Variants in GFI1 observed in about 807,000 individuals in gnomAD.
The protein encoded by GFI1 is growth factor independent 1 transcriptional repressor, also known as zinc finger protein Gfi-1.
A neutral mutation model predicts 39.2 loss-of-function variants in GFI1; 15 were observed. The observed-to-expected ratio is 0.38, with a 90% CI of 0.26 to 0.59. The LOEUF is 0.59. Among genes scored for constraint, GFI1 ranks in the 20% least tolerant of loss-of-function variants. The pLI is 0.62. For synonymous variants in GFI1, 239 were observed against 254.3 expected, an observed-to-expected ratio of 0.94 and a Z score of 0.57; for missense variants, 475 against 574.0, an observed-to-expected ratio of 0.83 and a Z score of 1.76.
At position 92,473,168 on chromosome 1, in the gene GFI1, A is replaced by AT. The variant is rs1309365863; in HGVS notation, c.*2860dup. On this transcript the variant is annotated 3_prime_UTR_variant, in exon 7 of 7. Transcript: ENST00000294702. ...TTCTGAACTGGGGATATCAAGATACATTTTTTACCAAAAAAAAAAAAAAAA... is the reference window on the plus strand; with the variant it reads ...TTCTGAACTGGGGATATCAAGATACATTTTTTTACCAAAAAAAAAAAAAAAA... Among the ~76,000 whole-genome samples the AT allele has an allele frequency of 1.4e-5, 2 of 140,986 alleles. No homozygotes were observed. The highest frequency in any genetic ancestry group is 3.1e-5 in the Non-Finnish European group (2 of 64,996). The allele number at this position is 140,986 out of a possible 152,430, so 92.5% of individuals were successfully genotyped here.
Position 92,481,027 on chromosome 1 carries a change from T to C in GFI1, c.360A>G (p.Lys120=), listed in dbSNP as rs1658224965. The C allele has an allele frequency of 2.5e-6, 4 of 1,611,712 alleles. No individual in the cohort carries two copies. Among genetic ancestry groups the C allele is most frequent in the Non-Finnish European group, 3.4e-6 (4 of 1,179,148 alleles). Reference sequence around the variant, plus strand: ...CCGCCAGGCCGCTCCATGAGTACGGTTTGAAAGGCAGGGGGAAGGGCTGGG... The same window carrying C: ...CCGCCAGGCCGCTCCATGAGTACGGCTTGAAAGGCAGGGGGAAGGGCTGGG... ...DEAQPFPLPF[K]PYSWSGLAGS... Residue 120 remains lysine (K), a synonymous_variant, in exon 4 of 7, where the codon AAA becomes AAG. Coordinates refer to ENST00000294702, the MANE Select transcript of GFI1 (RefSeq NM_005263.5). This position sits in a 1 kb window ranked among gnomAD's most constrained non-coding sequence, Gnocchi z 4.3.
rs764922701 is a variant in GFI1, at chr1:92,480,651, T to C, written c.736A>G (p.Thr246Ala). ...GAGCCGCCGCCCAGCAGCAGGCGGG[T>C]GCACAGCAGCTCCGACTCCACCTTG... ...GVKVESELLC[T>A]RLLLGGGSYK... is the part of the protein sequence containing the mutation. Residue 246 changes from threonine to alanine, a missense_variant, in exon 4 of 7, where the codon ACC (threonine) becomes GCC (alanine). Physicochemically the swap from Thr to Ala is moderately conservative, Grantham distance 58. Around this residue, in one of 4 missense-constraint regions of GFI1, gnomAD observed 79 missense variants for 68.4 expected, o/e 1.15. Coordinates refer to ENST00000294702, the MANE Select transcript of GFI1 (RefSeq NM_005263.5). This position sits in a 1 kb window ranked among gnomAD's most constrained non-coding sequence, Gnocchi z 5.6. 181 of 1,590,494 alleles carry C rather than the reference T, an allele frequency of 1.1e-4. No homozygotes were observed. The highest frequency in any genetic ancestry group is 1.5e-4 in the Non-Finnish European group (173 of 1,175,250).
Position 92,481,941 on chromosome 1 carries a change from GTGTGTGTGT to G in GFI1, c.299-862_299-854del, listed in dbSNP as rs1240676706. Among the ~76,000 whole-genome samples the G allele has an allele frequency of 4.2e-5, 1 of 23,904 alleles. No homozygotes were observed. Among genetic ancestry groups the G allele is most frequent in the East Asian group, 1.7e-3 (1 of 578 alleles). 15.7% of individuals were successfully genotyped at this position (23,904 alleles called of 152,430 possible). ...GTGCATACGGCATTTACAAATGTGTGTGTGTGTGTGTGCGCACAACACTCCAGTTCAGGC... is the reference window on the plus strand; with the variant it reads ...GTGCATACGGCATTTACAAATGTGTGGTGCGCACAACACTCCAGTTCAGGC... On this transcript the variant is annotated intron_variant, in intron 3 of 6. Transcript: ENST00000294702. This position sits in a 1 kb window ranked among gnomAD's most constrained non-coding sequence, Gnocchi z 4.3.
chr1:92,482,807 C>T lies in GFI1; in HGVS notation c.298+57G>A. On this transcript the variant is annotated intron_variant, in intron 3 of 6. Coordinates refer to ENST00000294702, the MANE Select transcript of GFI1 (RefSeq NM_005263.5). The surrounding 1 kb of genome is among the most constrained non-coding windows in gnomAD (Gnocchi z 4.4). ...ACGCCCAAGGTCGCGCCAATTCCCCCCCAGCACTGCCGGGTCCCTGCAGCT... is the reference window on the plus strand; with the variant it reads ...ACGCCCAAGGTCGCGCCAATTCCCCTCCAGCACTGCCGGGTCCCTGCAGCT... 2.1e-6 allele frequency: 3 copies of T among 1,397,386 alleles called. No individual in the cohort carries two copies. The highest frequency in any genetic ancestry group is 2.0e-6 in the Non-Finnish European group (2 of 984,046). 86.6% of individuals were successfully genotyped at this position (1,397,386 alleles called of 1,614,324 possible).
Position 92,483,701 on chromosome 1 carries a change from G to A in GFI1, c.-99-115C>T, listed in dbSNP as rs1407013387. On this transcript the variant is annotated intron_variant, in intron 1 of 6. Transcript: ENST00000294702. ...AGGGAGGCGCGCAGAGGGCCCACGG[G>A]AGGAGGGGCTTGACCCTGCTGCGCC... The A allele has an allele frequency of 6.6e-6, 4 of 607,732 alleles. No individual in the cohort carries two copies. The East Asian group carries it at 8.8e-5, about 13-fold the overall frequency. 37.6% of individuals were successfully genotyped at this position (607,732 alleles called of 1,614,324 possible). A position where few individuals can be genotyped will look rare whatever the true frequency, so the allele number is the denominator to read the frequency against.
chr1:92,475,364 ACTTCT>A lies in GFI1; in HGVS notation c.*660_*664del. On this transcript the variant is annotated 3_prime_UTR_variant, in exon 7 of 7. Coordinates refer to ENST00000294702, the MANE Select transcript of GFI1 (RefSeq NM_005263.5). The stretch of plus-strand genomic sequence containing the variant: ...GACCTCTAATCCCCTCTCATTACCA[ACTTCT>A]CTTCTGCTTCTTCTTGGGGGTAGCC... The A allele has an allele frequency of 6.6e-6, 1 of 152,084 alleles. No individual in the cohort carries two copies. The allele number at this position is 152,084 out of a possible 1,614,324, so 9.4% of individuals were successfully genotyped here.
chr1:92,482,981 G>C lies in GFI1; in HGVS notation c.181C>G (p.Leu61Val), dbSNP rs779976283. ...GAGGCTCTGTCTGGGGCTTCGGTCA[G>C]CTGCGATTCGGGGGACAAACGGTCC... ...PRDRLSPESQ[L>V]TEAPDRASAS... Residue 61 changes from leucine to valine, a missense_variant, in exon 3 of 7, where the codon CTG (leucine) becomes GTG (valine). Physicochemically the swap from Leu to Val is conservative, Grantham distance 32. Transcript: ENST00000294702. This position sits in a 1 kb window ranked among gnomAD's most constrained non-coding sequence, Gnocchi z 4.4. 2.9e-5 allele frequency: 47 copies of C among 1,611,274 alleles called. 1 individual carries two copies. The Middle Eastern group carries it at 8.3e-4, about 28-fold the overall frequency.
In GFI1 at chr1:92,475,634, C is replaced by T. The variant is rs1319799554; in HGVS notation, c.*395G>A. On this transcript the variant is annotated 3_prime_UTR_variant, in exon 7 of 7. Transcript: ENST00000294702. Reference sequence around the variant, plus strand: ...GATTCCTCCTCTTCCACACAAATATCTGGGGTAGGTCAAGAGGGGGGAGGG... The same window carrying T: ...GATTCCTCCTCTTCCACACAAATATTTGGGGTAGGTCAAGAGGGGGGAGGG... 3 of 268,306 alleles carry T rather than the reference C, an allele frequency of 1.1e-5. No homozygotes were observed. The highest frequency in any genetic ancestry group is 2.2e-5 in the Non-Finnish European group (3 of 136,360). 16.6% of individuals were successfully genotyped at this position (268,306 alleles called of 1,614,324 possible).
intron 6 of GFI1, among the ~76,000 whole-genome samples, chr1:92,477,514 T>C (rs192562011): frequency 7.9e-4 from 121 of 152,376 alleles, no homozygotes; most frequent in African/African-American, 2.8e-3. Flanking sequence ...TCAGAAATTC[T>C]GGGTCTCATG....
At chr1:92,483,228 AC>A in intron 2 of GFI1, 144 bp downstream of exon 2, 11 of 722,970 alleles carry the variant, frequency 1.5e-5, no homozygotes, top group Non-Finnish European at 2.4e-5. Flanking sequence ...TAGGAGACAA[AC>A]CCGGAGGAAC....
chr1:92,473,434 G>T lies in GFI1; in HGVS notation c.*2595C>A, dbSNP rs1657818683. Among the ~76,000 whole-genome samples, 1 of 152,152 alleles carries T rather than the reference G, an allele frequency of 6.6e-6. No homozygotes were observed. The highest frequency in any genetic ancestry group is 1.5e-5 in the Non-Finnish European group (1 of 68,016). ...GATGTTTTTGTCATTTTCATTCACT[G>T]GGAGGATTGTCTCCCAGGACACTAG... On this transcript the variant is annotated 3_prime_UTR_variant, in exon 7 of 7. Coordinates refer to ENST00000294702, the MANE Select transcript of GFI1 (RefSeq NM_005263.5).
At position 92,475,684 on chromosome 1, in the gene GFI1, C is replaced by T. The variant is rs534088247; in HGVS notation, c.*345G>A. The T allele has an allele frequency of 3.4e-5, 12 of 348,288 alleles. No homozygotes were observed. The highest frequency in any genetic ancestry group is 3.3e-4 in the South Asian group (12 of 36,372). 21.6% of individuals were successfully genotyped at this position (348,288 alleles called of 1,614,324 possible). Reference sequence around the variant, plus strand: ...GAAGAAACCTGAAGGGCATTCCTGTCTGTAGATTAGGGCTGGAAATGGGAA... The same window carrying T: ...GAAGAAACCTGAAGGGCATTCCTGTTTGTAGATTAGGGCTGGAAATGGGAA... On this transcript the variant is annotated 3_prime_UTR_variant, in exon 7 of 7. Coordinates refer to ENST00000294702, the MANE Select transcript of GFI1 (RefSeq NM_005263.5).
At chr1:92,476,579 G>T (rs940975056) in intron 6 of GFI1, among the ~76,000 whole-genome samples, 1 of 152,248 alleles carries the variant, frequency 6.6e-6, no homozygotes, top group African/African-American at 2.4e-5. Flanking sequence ...AACAGGAAGG[G>T]GAGGGGGAAG....
At chr1:92,486,613 G>C (rs949955034) in intron 1 of GFI1, 113 bp downstream of exon 1, 2 of 148,106 alleles carry the variant, frequency 1.4e-5, no homozygotes, top group African/African-American at 5.0e-5. Flanking sequence ...CCGCCGGCCT[G>C]GAGCCCGGCG....
Position 92,480,283 on chromosome 1 carries a change from C to T in GFI1, c.924+65G>A. Reference sequence around the variant, plus strand: ...ACTTCCAGGCAGAGAGTGGCTGGTGCTGCACCGAGGAGATGCAGAAGATCC... The same window carrying T: ...ACTTCCAGGCAGAGAGTGGCTGGTGTTGCACCGAGGAGATGCAGAAGATCC... On this transcript the variant is annotated intron_variant, in intron 5 of 6. Transcript: ENST00000294702. The surrounding 1 kb of genome is among the most constrained non-coding windows in gnomAD (Gnocchi z 5.6). 1 of 1,509,518 alleles carries T rather than the reference C, an allele frequency of 6.6e-7. No homozygotes were observed. The highest frequency in any genetic ancestry group is 8.9e-7 in the Non-Finnish European group (1 of 1,122,116). The allele number at this position is 1,509,518 out of a possible 1,614,324, so 93.5% of individuals were successfully genotyped here.
chr1:92,478,249 A>G (rs764540058), intron 6 of GFI1, among the ~76,000 whole-genome samples: 8 of 152,014 alleles, frequency 5.3e-5, no homozygotes, highest in Non-Finnish European at 1.2e-4. Context: ...CTTTAGAGCA[A>G]CTCTCTAAGA....
At chr1:92,477,794 TATC>T (rs1385473482) in intron 6 of GFI1, among the ~76,000 whole-genome samples, 4 of 152,248 alleles carry the variant, frequency 2.6e-5, no homozygotes, top group African/African-American at 7.2e-5. Context: ...GGTAAGGAAT[TATC>T]ATTATTATGG....
At position 92,481,356 on chromosome 1, in the gene GFI1, A is replaced by G. The variant is rs1244666527; in HGVS notation, c.299-268T>C. On this transcript the variant is annotated intron_variant, in intron 3 of 6. Coordinates refer to ENST00000294702, the MANE Select transcript of GFI1 (RefSeq NM_005263.5). The surrounding 1 kb of genome is among the most constrained non-coding windows in gnomAD (Gnocchi z 4.3). ...CGTAAATTCTGTGCGAGTGCAGCGGAGGCGCTCGGCGTTCCGAGGATCTTT... is the reference window on the plus strand; with the variant it reads ...CGTAAATTCTGTGCGAGTGCAGCGGGGGCGCTCGGCGTTCCGAGGATCTTT... Among the ~76,000 whole-genome samples, 1 of 152,196 alleles carries G rather than the reference A, an allele frequency of 6.6e-6. No homozygotes were observed. The highest frequency in any genetic ancestry group is 1.5e-5 in the Non-Finnish European group (1 of 68,028).
intron 2 of GFI1, 46 bp from the exon 3 acceptor site, chr1:92,483,092 G>A: frequency 4.0e-6 from 6 of 1,507,148 alleles, no homozygotes; most frequent in Non-Finnish European, 5.3e-6. Flanking sequence ...GACCGGTTGA[G>A]TCTGAGGGTG....
Sources: allele counts gnomAD v4.1 joint callset (sites outside exome capture counted in the v4.1 genomes callset), GRCh38; gene constraint gnomAD v4.1.1; regional missense constraint gnomAD v4.1.1; non-coding constraint Gnocchi (gnomAD v3.1); transcripts MANE v1.5; gene names NCBI Gene and HGNC (gene_info 2026-07-23, HGNC 2026-07-21).